The following TWSG1 variants were observed in gnomAD, a reference collection of about 807,000 sequenced individuals.
TWSG1 encodes the protein twisted gastrulation BMP signaling modulator 1, also known as twisted gastrulation protein homolog 1.
A neutral mutation model predicts 23.0 loss-of-function variants in TWSG1; 15 were observed. The observed-to-expected ratio is 0.65, with a 90% CI of 0.44 to 1.00. TWSG1 has a LOEUF of 1.00. Among genes scored for constraint, TWSG1 ranks in the 50% least tolerant of loss-of-function variants. The pLI, the probability that TWSG1 is intolerant of heterozygous loss-of-function variation, is 0.00. For synonymous variants in TWSG1, 86 were observed against 92.8 expected, an observed-to-expected ratio of 0.93 and a Z score of 0.42; for missense variants, 242 against 278.7, an observed-to-expected ratio of 0.87 and a Z score of 0.94.
intron 2 of TWSG1, among the ~76,000 whole-genome samples, chr18:9,349,793 A>G (rs1191884462): frequency 6.6e-6 from 1 of 152,152 alleles, no homozygotes; most frequent in Non-Finnish European, 1.5e-5. Flanking sequence ...TCTCGTGAAC[A>G]TTATTTTCCT....
intron 3 of TWSG1, among the ~76,000 whole-genome samples, chr18:9,363,871 GC>G (rs1302967478): frequency 1.3e-5 from 2 of 151,986 alleles, no homozygotes; most frequent in Non-Finnish European, 2.9e-5. Flanking sequence ...CAAGTGATCT[GC>G]CCTCCTCAGC....
chr18:9,360,418 A>G (rs964082254), intron 3 of TWSG1, among the ~76,000 whole-genome samples: 1 of 152,068 alleles, frequency 6.6e-6, no homozygotes, highest in Non-Finnish European at 1.5e-5. Context: ...ATTCTCCAAG[A>G]TGTGTTAAGT....
intron 3 of TWSG1, among the ~76,000 whole-genome samples, chr18:9,361,681 C>G (rs1460394478): frequency 6.6e-5 from 10 of 152,168 alleles, no homozygotes. Flanking sequence ...GGGGTGAGGT[C>G]ACAGTAAACA....
chr18:9,384,684 C>T (rs1378659920), intron 3 of TWSG1, among the ~76,000 whole-genome samples: 3 of 147,490 alleles, frequency 2.0e-5, no homozygotes, highest in African/African-American at 7.6e-5. Flanking sequence ...CTTGCTCTGT[C>T]GCCCGGGCTG....
intron 3 of TWSG1, among the ~76,000 whole-genome samples, chr18:9,375,319 G>C (rs773423438): frequency 1.3e-5 from 2 of 151,900 alleles, no homozygotes; most frequent in Non-Finnish European, 2.9e-5. Flanking sequence ...CAGCAAACTA[G>C]GACTAGAGGG....
chr18:9,396,986 AGT>A, intron 4 of TWSG1: 7 of 161,894 alleles, frequency 4.3e-5, no homozygotes, highest in South Asian at 2.0e-4. Flanking sequence ...TGAACCTGAG[AGT>A]CGGAGGTTGC....
chr18:9,349,488 T>C (rs2040491746), intron 2 of TWSG1, among the ~76,000 whole-genome samples: 1 of 152,232 alleles, frequency 6.6e-6, no homozygotes, highest in South Asian at 2.1e-4. Context: ...TTCTAAAAAT[T>C]GATTTAGTTA....
intron 2 of TWSG1, among the ~76,000 whole-genome samples, chr18:9,345,625 A>G (rs1354834290): frequency 1.3e-5 from 2 of 152,098 alleles, no homozygotes; most frequent in Non-Finnish European, 2.9e-5. Flanking sequence ...CTCTATTTTT[A>G]TGCTAGTACC....
intron 3 of TWSG1, among the ~76,000 whole-genome samples, chr18:9,372,048 A>T (rs2040608109): frequency 6.6e-6 from 1 of 152,148 alleles, no homozygotes. Context: ...TACAGCCGTG[A>T]GCCATCGCGC....
At chr18:9,380,641 A>AT (rs968514840) in intron 3 of TWSG1, among the ~76,000 whole-genome samples, 2 of 152,122 alleles carry the variant, frequency 1.3e-5, no homozygotes, top group Non-Finnish European at 2.9e-5. Flanking sequence ...ATGAACTTAG[A>AT]TTTTCTCTTT....
intron 2 of TWSG1, among the ~76,000 whole-genome samples, chr18:9,355,446 G>T (rs886315550): frequency 6.6e-6 from 1 of 151,874 alleles, no homozygotes; most frequent in Non-Finnish European, 1.5e-5. Context: ...CATCCTAACC[G>T]CAGCTTGCTT....
intron 3 of TWSG1, chr18:9,388,240 A>G (rs1034594331): frequency 6.6e-6 from 1 of 152,238 alleles, no homozygotes; most frequent in African/African-American, 2.4e-5. Context: ...GTTGGCAAGA[A>G]CATCTCTCAG....
chr18:9,393,332 A>G (rs1598836030), intron 3 of TWSG1, among the ~76,000 whole-genome samples: 1 of 152,374 alleles, frequency 6.6e-6, no homozygotes, highest in Middle Eastern at 3.4e-3. Context: ...GCTTAAAAGA[A>G]CAAGAATCAT....
In TWSG1 at chr18:9,337,242, T is replaced by C; in HGVS notation, c.13T>C (p.Tyr5His). Residue 5 changes from tyrosine (Y) to histidine (H), a missense_variant, in exon 2 of 5, where the codon TAT becomes CAT. Tyr to His is a moderately conservative substitution (Grantham distance 83). Transcript: ENST00000262120. Reference protein sequence around the residue: MKLHYVAVLTLAILM... With the variant: MKLHHVAVLTLAILM... ...TCTTTGAAGAAACATGAAGTTACAC[T>C]ATGTTGCTGTGCTTACTCTAGCCAT... 1 of 1,612,128 alleles carries C rather than the reference T, an allele frequency of 6.2e-7. No homozygotes were observed. Among genetic ancestry groups the C allele is most frequent in the Non-Finnish European group, 8.5e-7 (1 of 1,179,970 alleles).
intron 3 of TWSG1, among the ~76,000 whole-genome samples, chr18:9,375,856 A>G (rs1209985621): frequency 1.3e-5 from 2 of 152,178 alleles, no homozygotes; most frequent in Admixed American, 6.5e-5. Flanking sequence ...GGGATATTCT[A>G]TGTTCATGGA....
Position 9,337,737 on chromosome 18 carries a change from T to G in TWSG1, c.123+385T>G, listed in dbSNP as rs73399920. Among the ~76,000 whole-genome samples, 1,298 of 152,330 alleles carry G rather than the reference T, an allele frequency of 8.5e-3. 28 individuals are homozygous for G. The highest frequency in any genetic ancestry group is 0.03 in the African/African-American group (1,228 of 41,564). On this transcript the variant is annotated intron_variant, in intron 2 of 4. Coordinates refer to ENST00000262120, the MANE Select transcript of TWSG1 (RefSeq NM_020648.6). ...AATTGTTACCCTAAGTATGATGTAT[T>G]AGTTGTCCATTGCTATGTAACAAAT...
intron 3 of TWSG1, among the ~76,000 whole-genome samples, chr18:9,390,074 G>A (rs2040704887): frequency 6.6e-6 from 1 of 152,198 alleles, no homozygotes; most frequent in African/African-American, 2.4e-5. Context: ...CTTTTTGCTG[G>A]TGGAGGCTCT....
intron 2 of TWSG1, among the ~76,000 whole-genome samples, chr18:9,354,980 G>A (rs982871328): frequency 2.0e-5 from 3 of 151,472 alleles, no homozygotes; most frequent in African/African-American, 7.3e-5. Flanking sequence ...TTTTGAGACA[G>A]AGTCTCGCTC....
At chr18:9,341,735 A>G (rs12458365) in intron 2 of TWSG1, among the ~76,000 whole-genome samples, 18,544 of 151,926 alleles carry the variant, frequency 0.12, 1,354 homozygotes, top group Middle Eastern at 0.27. Flanking sequence ...TCAACTGGAG[A>G]CACTATCTCT....
Sources: gnomAD v4.1 joint callset for allele counts (sites outside exome capture counted in the v4.1 genomes callset) on GRCh38, gnomAD v4.1.1 for gene constraint, MANE v1.5 for transcripts, NCBI Gene and HGNC (gene_info 2026-07-23, HGNC 2026-07-21) for gene names.